Variants in ADD3 observed in about 807,000 individuals in gnomAD.
The protein encoded by ADD3 is adducin 3.
A neutral mutation model predicts 80.2 loss-of-function variants in ADD3; 25 were observed. The observed-to-expected ratio is 0.31, with a 90% CI of 0.23 to 0.44. ADD3 has a LOEUF of 0.44. Ranked by LOEUF, ADD3 falls within the 20% of genes least tolerant of loss-of-function variation. ADD3 has a pLI of 1.00. For synonymous variants in ADD3, 284 were observed against 289.6 expected (o/e 0.98, Z 0.20); for missense variants, 829 against 847.5 (o/e 0.98, Z 0.27).
intron 2 of ADD3, among the ~76,000 whole-genome samples, chr10:110,111,422 G>T (rs146519946): frequency 4.6e-4 from 70 of 152,256 alleles, no homozygotes; most frequent in African/African-American, 1.7e-3. Context: ...AACTATTTGT[G>T]ATATGAAGGA....
At chr10:110,118,776 G>C in intron 6 of ADD3, 40 bp downstream of exon 6, 1 of 1,592,610 alleles carries the variant, frequency 6.3e-7, no homozygotes, top group Non-Finnish European at 8.6e-7. Flanking sequence ...GACGCTGGAA[G>C]ATGTATTATT....
intron 1 of ADD3, among the ~76,000 whole-genome samples, chr10:110,043,896 G>A (rs1856635570): frequency 6.6e-6 from 1 of 152,138 alleles, no homozygotes; most frequent in Admixed American, 6.5e-5. Flanking sequence ...AAAATTAGGG[G>A]AGATATGAGC....
chr10:110,133,575 C>T lies in ADD3; in HGVS notation c.2078C>T (p.Ser693Phe). ...SKKKKKFRTP[S>F]FLKKNKKKEK... The stretch of plus-strand genomic sequence containing the variant: ...AAAAAGAAGAAATTCCGCACTCCTT[C>T]TTTTCTGAAAAAGAACAAAAAAAAG... Residue 693 changes from serine to phenylalanine, a missense_variant, in exon 15 of 15, where the codon TCT becomes TTT. Transcript: ENST00000356080. 1 of 1,597,764 alleles carries T rather than the reference C, an allele frequency of 6.3e-7. No individual in the cohort carries two copies. Among genetic ancestry groups the T allele is most frequent in the South Asian group, 1.2e-5 (1 of 86,822 alleles).
intron 1 of ADD3, among the ~76,000 whole-genome samples, chr10:110,060,899 A>G (rs191355649): frequency 4.2e-4 from 64 of 152,366 alleles, no homozygotes; most frequent in Admixed American, 1.3e-3. Context: ...GAGTAGAAAG[A>G]GTACTAGCCT....
chr10:110,111,691 G>A (rs1001079988), intron 2 of ADD3, among the ~76,000 whole-genome samples: 4 of 152,136 alleles, frequency 2.6e-5, no homozygotes, highest in South Asian at 2.1e-4. Context: ...AGAGGTGGGC[G>A]GATCACCTGA....
intron 2 of ADD3, among the ~76,000 whole-genome samples, chr10:110,101,290 CAT>C (rs923134450): frequency 6.6e-6 from 1 of 151,838 alleles, no homozygotes; most frequent in Non-Finnish European, 1.5e-5. Flanking sequence ...CCTAGTATTA[CAT>C]ATGTCTACTG....
rs76005997 is a variant in ADD3, at chr10:110,126,574, A to G, written c.1608+71A>G. 0.021 allele frequency: 23,768 copies of G among 1,127,068 alleles called. 3,218 individuals are homozygous for G. The African/African-American group carries it at 0.31, about 15-fold the overall frequency. 69.8% of individuals were successfully genotyped at this position (1,127,068 alleles called of 1,614,324 possible). The stretch of plus-strand genomic sequence containing the variant: ...TAATTTCATTGATTTTTAAATATGA[A>G]TATTTATTTTTACTAAGGTTAATAT... On this transcript the variant is annotated intron_variant, in intron 12 of 14. Coordinates refer to ENST00000356080, the MANE Select transcript of ADD3 (RefSeq NM_016824.5).
chr10:110,115,079 C>CT (rs1470299350), intron 3 of ADD3, among the ~76,000 whole-genome samples: 4 of 115,426 alleles, frequency 3.5e-5, no homozygotes, highest in South Asian at 5.4e-4. Context: ...ACCCCTGCCT[C>CT]TAAAAAAAAA....
At chr10:110,102,149 C>G (rs943767237) in intron 2 of ADD3, among the ~76,000 whole-genome samples, 3 of 152,058 alleles carry the variant, frequency 2.0e-5, no homozygotes, top group Admixed American at 2.0e-4. Flanking sequence ...GAAACTCTTT[C>G]CAAATGGAAA....
chr10:110,058,216 G>A (rs1037307620), intron 1 of ADD3, among the ~76,000 whole-genome samples: 1 of 151,960 alleles, frequency 6.6e-6, no homozygotes, highest in African/African-American at 2.4e-5. Context: ...GCAAATAAAG[G>A]CAGCACTCTG....
intron 1 of ADD3, among the ~76,000 whole-genome samples, chr10:110,069,893 A>G (rs1032254895): frequency 1.3e-5 from 2 of 152,228 alleles, no homozygotes; most frequent in African/African-American, 4.8e-5. Context: ...AGCACATGAC[A>G]CAAAACTGTG....
At chr10:110,078,835 C>T (rs1195848525) in intron 1 of ADD3, among the ~76,000 whole-genome samples, 2 of 152,146 alleles carry the variant, frequency 1.3e-5, no homozygotes, top group Admixed American at 6.5e-5. Context: ...AGTTAAACTT[C>T]GACTTTTACA....
intron 1 of ADD3, among the ~76,000 whole-genome samples, chr10:110,091,277 G>C (rs1847469935): frequency 6.6e-6 from 1 of 151,888 alleles, no homozygotes; most frequent in South Asian, 2.1e-4. Flanking sequence ...CATATTTTTT[G>C]GCTAACTCCA....
chr10:110,026,795 T>G (rs1854369649), intron 1 of ADD3, among the ~76,000 whole-genome samples: 1 of 152,068 alleles, frequency 6.6e-6, no homozygotes, highest in Admixed American at 6.5e-5. Context: ...TTTTTTAACT[T>G]CTGGTGCCTT....
At chr10:110,125,259 T>G (rs1298476264) in intron 10 of ADD3, among the ~76,000 whole-genome samples, 1 of 152,206 alleles carries the variant, frequency 6.6e-6, no homozygotes, top group Non-Finnish European at 1.5e-5. Context: ...AGGATTATAA[T>G]ATGGGGTAAA....
chr10:110,098,672 C>T lies in ADD3; in HGVS notation c.-29-1953C>T, dbSNP rs1287848094. On this transcript the variant is annotated intron_variant, in intron 1 of 14. Transcript: ENST00000356080. ...TGAGATGGAGTCTCACTCTGTTGCC[C>T]AGGCTGCAGTGCAATGGCGTGATCT... 5.9e-5 allele frequency among the ~76,000 whole-genome samples: 9 copies of T among 151,956 alleles called. No individual in the cohort carries two copies. The East Asian group carries it at 1.7e-3, about 29-fold the overall frequency.
intron 1 of ADD3, among the ~76,000 whole-genome samples, chr10:110,028,672 CT>C (rs1854606694): frequency 6.6e-6 from 1 of 152,182 alleles, no homozygotes; most frequent in African/African-American, 2.4e-5. Flanking sequence ...TAATTCAGTA[CT>C]TTTATCTGAA....
chr10:110,074,856 G>A (rs1384601411), intron 1 of ADD3, among the ~76,000 whole-genome samples: 4 of 152,154 alleles, frequency 2.6e-5, no homozygotes, highest in African/African-American at 7.2e-5. Flanking sequence ...GCACTCAGTA[G>A]AGTATTTTTA....
At chr10:110,073,437 C>T (rs1008059538) in intron 1 of ADD3, among the ~76,000 whole-genome samples, 3 of 152,096 alleles carry the variant, frequency 2.0e-5, no homozygotes, top group Admixed American at 6.5e-5. Context: ...CCACCGTGCC[C>T]GGCCCTAGTT....
Sources: allele counts gnomAD v4.1 joint callset (sites outside exome capture counted in the v4.1 genomes callset), GRCh38; gene constraint gnomAD v4.1.1; transcripts MANE v1.5; gene names NCBI Gene and HGNC (gene_info 2026-07-23, HGNC 2026-07-21).